The following ERC1 variants were observed in gnomAD, a reference collection of about 807,000 sequenced individuals.
The protein encoded by ERC1 is RAB6 interacting protein 2.
Under a neutral mutation model 132.0 loss-of-function variants are expected in ERC1, and 56 were observed. The ratio of observed to expected loss-of-function variants is 0.42; its 90% CI spans 0.34 to 0.53. The LOEUF is 0.53. ERC1 is among the 20% of genes least tolerant of loss of function. The pLI is 0.03. For missense variants in ERC1, 1,202 were observed against 1,349.9 expected, an observed-to-expected ratio of 0.89 and a Z score of 1.72; for synonymous variants, 478 against 476.1, an observed-to-expected ratio of 1.00 and a Z score of -0.05.
At chr12:1,248,663 C>A (rs1426954238) in intron 13 of ERC1, among the ~76,000 whole-genome samples, 1 of 152,122 alleles carries the variant, frequency 6.6e-6, no homozygotes, top group African/African-American at 2.4e-5. Flanking sequence ...GGATCTGATT[C>A]GCATTTTCAG....
intron 18 of ERC1, among the ~76,000 whole-genome samples, chr12:1,460,777 A>T (rs753356049): frequency 2.0e-5 from 3 of 151,330 alleles, no homozygotes; most frequent in Non-Finnish European, 4.4e-5. Flanking sequence ...AGGGATGTAT[A>T]ATAGCCCCCT....
At chr12:993,598 G>T (rs1960130316) in intron 1 of ERC1, among the ~76,000 whole-genome samples, 1 of 151,908 alleles carries the variant, frequency 6.6e-6, no homozygotes, top group African/African-American at 2.4e-5. Flanking sequence ...CATTAATACT[G>T]CAAACTTAAA....
rs80350101 is a variant in ERC1 at position 1,481,728 on chromosome 12, C to G, written c.3214-8365C>G. Among the ~76,000 whole-genome samples, 14 of 152,290 alleles carry G rather than the reference C, an allele frequency of 9.2e-5. No homozygotes were observed. The East Asian group carries it at 2.5e-3, about 27-fold the overall frequency. On this transcript the variant is annotated intron_variant, in intron 18 of 18. Coordinates refer to ENST00000360905, the MANE Select transcript of ERC1 (RefSeq NM_178040.4). The stretch of plus-strand genomic sequence containing the variant: ...TTTAAACACCTTTTCCCAGGCATAG[C>G]ATACGTTAGACCCTGGAAAAGCGTA...
intron 2 of ERC1, among the ~76,000 whole-genome samples, chr12:1,072,214 A>C (rs1940522194): frequency 6.6e-6 from 1 of 152,148 alleles, no homozygotes; most frequent in South Asian, 2.1e-4. Flanking sequence ...GCTCTGCAGT[A>C]TGCATGCAGG....
At chr12:1,429,079 A>G (rs1379126921) in intron 17 of ERC1, among the ~76,000 whole-genome samples, 1 of 152,208 alleles carries the variant, frequency 6.6e-6, no homozygotes, top group African/African-American at 2.4e-5. Context: ...AAGGCAAAAC[A>G]CTTGTTAGCA....
At chr12:1,072,028 G>C (rs1212178723) in intron 2 of ERC1, among the ~76,000 whole-genome samples, 2 of 151,684 alleles carry the variant, frequency 1.3e-5, no homozygotes, top group Non-Finnish European at 2.9e-5. Flanking sequence ...TTGAACCTGG[G>C]AGGTGGAGGT....
intron 18 of ERC1, among the ~76,000 whole-genome samples, chr12:1,479,695 C>G (rs1208996513): frequency 6.6e-6 from 1 of 151,980 alleles, no homozygotes; most frequent in African/African-American, 2.4e-5. Context: ...AGTGAAAAAC[C>G]AAGGGAGGGG....
intron 14 of ERC1, among the ~76,000 whole-genome samples, chr12:1,276,128 C>A (rs192185164): frequency 2.6e-5 from 4 of 152,262 alleles, no homozygotes; most frequent in Admixed American, 6.5e-5. Context: ...ATCTCTTCAA[C>A]CTTACCTTAT....
At chr12:1,239,527 G>A (rs2075658405) in intron 13 of ERC1, among the ~76,000 whole-genome samples, 2 of 152,136 alleles carry the variant, frequency 1.3e-5, no homozygotes, top group African/African-American at 4.8e-5. Flanking sequence ...TTCAAGACCA[G>A]CCTGAGCAAC....
At chr12:1,209,545 CAAG>C (rs1957670913) in intron 12 of ERC1, among the ~76,000 whole-genome samples, 1 of 152,062 alleles carries the variant, frequency 6.6e-6, no homozygotes, top group Non-Finnish European at 1.5e-5. Context: ...CTGCCTTGCT[CAAG>C]AAATGCTCTA....
At position 1,122,549 on chromosome 12, in the gene ERC1, CT is replaced by C. The variant is rs1383473305; in HGVS notation, c.1569+6517del. ...TCTCTATCTCTATCTCTATCTGTGT[CT>C]CTATCTCTATCTCTATCTGTGTCTC... On this transcript the variant is annotated intron_variant, in intron 7 of 18. Coordinates refer to ENST00000360905, the MANE Select transcript of ERC1 (RefSeq NM_178040.4). Among the ~76,000 whole-genome samples, 13 of 40,504 alleles carry C rather than the reference CT, an allele frequency of 3.2e-4. 4 individuals are homozygous for C. Among genetic ancestry groups the C allele is most frequent in the Admixed American group, 6.5e-4 (3 of 4,630 alleles). 26.6% of individuals were successfully genotyped at this position (40,504 alleles called of 152,430 possible). A position where few individuals can be genotyped will look rare whatever the true frequency, so the allele number is the denominator to read the frequency against.
chr12:1,046,114 G>A (rs1464972391), intron 2 of ERC1, among the ~76,000 whole-genome samples: 1 of 152,044 alleles, frequency 6.6e-6, no homozygotes, highest in Non-Finnish European at 1.5e-5. Flanking sequence ...GCATAGGATT[G>A]TCAAATAAAA....
intron 12 of ERC1, among the ~76,000 whole-genome samples, chr12:1,205,408 T>C (rs1957267190): frequency 1.4e-5 from 2 of 141,932 alleles, no homozygotes; most frequent in African/African-American, 2.6e-5. Context: ...TGTGTGTGTG[T>C]GTGTGTATAT....
intron 7 of ERC1, among the ~76,000 whole-genome samples, chr12:1,130,632 C>CTT (rs201618993): frequency 0.41 from 59,638 of 146,952 alleles, 12,650 homozygotes; most frequent in African/African-American, 0.54. Context: ...AACGTATAGT[C>CTT]TTTTTTTTTT....
chr12:1,310,205 T>C (rs1280035854), intron 15 of ERC1, among the ~76,000 whole-genome samples: 2 of 142,670 alleles, frequency 1.4e-5, no homozygotes, highest in Admixed American at 7.2e-5. Flanking sequence ...CTTTAAACAG[T>C]TCTTTTTTAT....
At chr12:1,226,288 G>T (rs2074567284) in intron 12 of ERC1, among the ~76,000 whole-genome samples, 1 of 152,118 alleles carries the variant, frequency 6.6e-6, no homozygotes, top group Non-Finnish European at 1.5e-5. Context: ...GCTTTATTGA[G>T]CTATAAATTG....
intron 8 of ERC1, among the ~76,000 whole-genome samples, chr12:1,178,832 CATTT>C (rs915424764): frequency 3.3e-5 from 5 of 152,126 alleles, no homozygotes; most frequent in African/African-American, 4.8e-5. Context: ...CTCCATCATT[CATTT>C]GTCTACCTTA....
At chr12:1,065,291 G>A (rs1295678232) in intron 2 of ERC1, among the ~76,000 whole-genome samples, 3 of 152,108 alleles carry the variant, frequency 2.0e-5, no homozygotes, top group African/African-American at 7.2e-5. Flanking sequence ...GTGAGCCACC[G>A]CGCCCAGCCC....
At chr12:1,164,366 G>A (rs1255019790) in intron 8 of ERC1, among the ~76,000 whole-genome samples, 4 of 149,580 alleles carry the variant, frequency 2.7e-5, no homozygotes, top group Non-Finnish European at 5.9e-5. Flanking sequence ...TTTTTGAGAC[G>A]GAGTCTCGCT....
Sources: gnomAD v4.1 joint callset for allele counts (sites outside exome capture counted in the v4.1 genomes callset) on GRCh38, gnomAD v4.1.1 for gene constraint, MANE v1.5 for transcripts, NCBI Gene and HGNC (gene_info 2026-07-23, HGNC 2026-07-21) for gene names.